The following TCF12 variants were observed in gnomAD, a reference collection of about 807,000 sequenced individuals.
The protein encoded by TCF12 is transcription factor 12, also known as DNA-binding protein HTF4.
Under a neutral mutation model 86.0 loss-of-function variants are expected in TCF12, and 45 were observed. The ratio of observed to expected loss-of-function variants is 0.52; its 90% CI spans 0.41 to 0.67. TCF12 has a LOEUF of 0.67. Ranked by LOEUF, TCF12 falls within the 30% of genes least tolerant of loss-of-function variation. TCF12 has a pLI of 0.00. For synonymous variants in TCF12, 330 were observed against 299.6 expected, an observed-to-expected ratio of 1.10 and a Z score of -1.05; for missense variants, 881 against 859.9, an observed-to-expected ratio of 1.02 and a Z score of -0.31.
At chr15:57,100,172 G>C (rs1019801626) in intron 5 of TCF12, among the ~76,000 whole-genome samples, 2 of 152,176 alleles carry the variant, frequency 1.3e-5, no homozygotes, top group Non-Finnish European at 2.9e-5. Context: ...CTCCTAACCA[G>C]AGATGTTCTG....
At chr15:57,046,395 T>C (rs1438227421) in intron 3 of TCF12, among the ~76,000 whole-genome samples, 2 of 152,222 alleles carry the variant, frequency 1.3e-5, no homozygotes, top group African/African-American at 4.8e-5. Context: ...AAATTGGGTA[T>C]GGAAGGACAT....
rs778020896 is a variant in TCF12, at chr15:57,243,540, A to C, written c.1104A>C (p.Ser368=). 6.2e-7 allele frequency: 1 copy of C among 1,613,462 alleles called. No individual in the cohort carries two copies. Among genetic ancestry groups the C allele is most frequent in the East Asian group, 2.2e-5 (1 of 44,844 alleles). The change falls in exon 13 of 21, where the codon TCA becomes TCC. Residue 368 remains serine, a synonymous_variant. Transcript: ENST00000333725. The part of the protein sequence containing the change: ...SNPSTPVGSP[S]PLTGTSQWPR... ...CATCAACACCAGTTGGATCACCTTC[A>C]CCTCTCACAGGTAGGCTTCTGTTTT...
intron 8 of TCF12, among the ~76,000 whole-genome samples, chr15:57,217,923 G>A (rs184761416): frequency 1.2e-4 from 18 of 152,218 alleles, no homozygotes; most frequent in South Asian, 6.2e-4. Context: ...AAACCACTCC[G>A]CAGACTGGCA....
intron 8 of TCF12, among the ~76,000 whole-genome samples, chr15:57,207,326 A>G (rs1473426588): frequency 2.0e-5 from 3 of 152,182 alleles, no homozygotes; most frequent in Non-Finnish European, 4.4e-5. Context: ...TAAATTTTAT[A>G]TGGTTCTTAG....
At chr15:56,926,932 G>A (rs1012485900) in intron 3 of TCF12, among the ~76,000 whole-genome samples, 5 of 152,154 alleles carry the variant, frequency 3.3e-5, no homozygotes, top group Non-Finnish European at 7.3e-5. Flanking sequence ...TTAGTGGTGA[G>A]ACACTAAAAT....
intron 5 of TCF12, among the ~76,000 whole-genome samples, chr15:57,160,258 C>G (rs1292217274): frequency 1.3e-5 from 2 of 152,170 alleles, no homozygotes; most frequent in African/African-American, 4.8e-5. Context: ...AAACTTAAAT[C>G]ATGGTGGAAG....
intron 8 of TCF12, among the ~76,000 whole-genome samples, chr15:57,199,373 T>C (rs186608549): frequency 5.7e-4 from 87 of 152,242 alleles, no homozygotes; most frequent in African/African-American, 1.9e-3. Context: ...TTCTTGTAAT[T>C]TATTACTGTA....
chr15:57,060,231 T>G (rs1318693820), intron 3 of TCF12, among the ~76,000 whole-genome samples: 1 of 152,214 alleles, frequency 6.6e-6, no homozygotes, highest in Non-Finnish European at 1.5e-5. Flanking sequence ...AAGAGGCGGA[T>G]TGCTTTTGTT....
At chr15:57,105,217 G>A (rs2050061130) in intron 5 of TCF12, among the ~76,000 whole-genome samples, 1 of 151,922 alleles carries the variant, frequency 6.6e-6, no homozygotes, top group Admixed American at 6.6e-5. Flanking sequence ...ATGCTGTTTA[G>A]CTTTCAAATT....
intron 3 of TCF12, among the ~76,000 whole-genome samples, chr15:56,940,689 C>G (rs546048622): frequency 6.9e-6 from 1 of 144,486 alleles, no homozygotes; most frequent in South Asian, 2.3e-4. Flanking sequence ...TCTCCCTCTC[C>G]CTCTCCCCTT....
At chr15:57,277,704 A>G (rs1015670065) in intron 19 of TCF12, among the ~76,000 whole-genome samples, 21 of 152,064 alleles carry the variant, frequency 1.4e-4, no homozygotes, top group Non-Finnish European at 2.4e-4. Flanking sequence ...TGGGAGGCCA[A>G]GGCAGGAGGA....
intron 4 of TCF12, among the ~76,000 whole-genome samples, chr15:57,077,527 G>T (rs1455986957): frequency 5.9e-5 from 9 of 151,480 alleles, no homozygotes; most frequent in Admixed American, 4.6e-4. Flanking sequence ...CATAATTTTT[G>T]ATGATGTTAT....
Position 57,052,901 on chromosome 15 carries a change from A to C in TCF12, c.149-10849A>C, listed in dbSNP as rs186044454. 3.3e-4 allele frequency among the ~76,000 whole-genome samples: 51 copies of C among 152,304 alleles called. 1 individual carries two copies. The highest frequency in any genetic ancestry group is 3.4e-3 in the Middle Eastern group (1 of 294). ...TGTTTCCACATTTTTACTATTGTGA[A>C]TAATGCTGCAGTTGACATGGGAATA... On this transcript the variant is annotated intron_variant, in intron 3 of 20. Transcript: ENST00000333725.
intron 3 of TCF12, among the ~76,000 whole-genome samples, chr15:56,987,866 A>G (rs1394009351): frequency 6.6e-6 from 1 of 152,218 alleles, no homozygotes; most frequent in Admixed American, 6.5e-5. Flanking sequence ...AAACTCAGGA[A>G]ATAAACCATA....
intron 16 of TCF12, among the ~76,000 whole-genome samples, chr15:57,261,039 C>CTT (rs1567006419): frequency 2.0e-5 from 3 of 152,030 alleles, no homozygotes; most frequent in African/African-American, 7.2e-5. Flanking sequence ...CCCTTCCCAG[C>CTT]TTTAAGGTTT....
chr15:57,088,221 C>A (rs368280676), intron 4 of TCF12, among the ~76,000 whole-genome samples: 1 of 152,180 alleles, frequency 6.6e-6, no homozygotes. Context: ...TGTTCTCCAG[C>A]CTGTTGGAAG....
At chr15:57,227,305 A>C (rs1300649500) in intron 8 of TCF12, among the ~76,000 whole-genome samples, 1 of 152,122 alleles carries the variant, frequency 6.6e-6, no homozygotes, top group Non-Finnish European at 1.5e-5. Context: ...AATTACAGGA[A>C]AGATGTATTG....
intron 3 of TCF12, among the ~76,000 whole-genome samples, chr15:56,921,570 A>G (rs185281389): frequency 6.6e-6 from 1 of 152,006 alleles, no homozygotes; most frequent in African/African-American, 2.4e-5. Flanking sequence ...AAAAACTCAT[A>G]ATTTAAAAAT....
chr15:57,105,386 AT>A (rs2050072004), intron 5 of TCF12, among the ~76,000 whole-genome samples: 1 of 152,078 alleles, frequency 6.6e-6, no homozygotes, highest in East Asian at 1.9e-4. Context: ...TTGTACCTGC[AT>A]AATTATGTAA....
Sources: allele counts gnomAD v4.1 joint callset (sites outside exome capture counted in the v4.1 genomes callset), GRCh38; gene constraint gnomAD v4.1.1; transcripts MANE v1.5; gene names NCBI Gene and HGNC (gene_info 2026-07-23, HGNC 2026-07-21).